SLC36A1: variants seen among roughly 807,000 people sequenced by gnomAD.
SLC36A1 encodes proton-coupled amino acid transporter 1.
In SLC36A1, 30 loss-of-function variants were observed where a neutral mutation model predicts 47.5. The ratio of observed to expected loss-of-function variants is 0.63; its 90% CI spans 0.47 to 0.86. The LOEUF is 0.86. Among genes scored for constraint, SLC36A1 ranks in the 40% least tolerant of loss-of-function variants. The probability of loss-of-function intolerance (pLI) is 0.00; values close to 1 mark genes in which losing one functional copy is unlikely to be tolerated. For missense variants in SLC36A1, 517 were observed against 606.0 expected, an observed-to-expected ratio of 0.85 and a Z score of 1.54; for synonymous variants, 255 against 249.7, an observed-to-expected ratio of 1.02 and a Z score of -0.20.
the SLC36A1 span, chr5:151,512,722 T>C: frequency 1.0e-6 from 1 of 981,114 alleles, no homozygotes; most frequent in Non-Finnish European, 1.5e-6. The surrounding 1 kb of genome is among the most constrained non-coding windows in gnomAD (Gnocchi z 4.1). Context: ...GGGGGGTGTT[T>C]GGCTGTTTTA....
chr5:151,357,275 G>T, the SLC36A1 span, among the ~76,000 whole-genome samples: 1 of 152,202 alleles, frequency 6.6e-6, no homozygotes, highest in Non-Finnish European at 1.5e-5. Context: ...GTGATAATAG[G>T]TGGTAGGTAG....
chr5:151,384,263 G>T, the SLC36A1 span, among the ~76,000 whole-genome samples: 5 of 152,152 alleles, frequency 3.3e-5, no homozygotes, highest in African/African-American at 1.2e-4. Flanking sequence ...GTTGGCTCTA[G>T]AAGCACTTTC....
chr5:151,552,732 A>G, the SLC36A1 span, among the ~76,000 whole-genome samples: 2 of 152,198 alleles, frequency 1.3e-5, no homozygotes, highest in Non-Finnish European at 2.9e-5. Flanking sequence ...GCCTCGTAGA[A>G]TGAGAATGGG....
Position 151,474,159 on chromosome 5 carries a change from C to CAAAAAAAAAAAAAAAAAAAAAAAAAAAA in SLC36A1, c.822+408_822+409insAAAAAAAAAAAAAAAAAAAAAAAAAAAA, listed in dbSNP as rs1156305401. 3.3e-5 allele frequency among the ~76,000 whole-genome samples: 2 copies of CAAAAAAAAAAAAAAAAAAAAAAAAAAAA among 59,958 alleles called. 1 individual carries two copies. Among genetic ancestry groups the CAAAAAAAAAAAAAAAAAAAAAAAAAAAA allele is most frequent in the African/African-American group, 1.7e-4 (2 of 11,982 alleles). 39.3% of individuals were successfully genotyped at this position (59,958 alleles called of 152,430 possible). On this transcript the variant is annotated intron_variant, in intron 8 of 10. Transcript: ENST00000243389. Reference sequence around the variant, plus strand: ...TGGGTGACAGAGCGAGACTCTGTCTCAAAAAAAAAAAAAAAAAAAAGAAAT... The same window carrying CAAAAAAAAAAAAAAAAAAAAAAAAAAAA: ...TGGGTGACAGAGCGAGACTCTGTCTCAAAAAAAAAAAAAAAAAAAAAAAAAAAAAAAAAAAAAAAAAAAAAAAAGAAAT...
chr5:151,463,322 C>T (rs73272007), intron 2 of SLC36A1, among the ~76,000 whole-genome samples: 3,413 of 152,246 alleles, frequency 0.022, 136 homozygotes, highest in African/African-American at 0.077. Flanking sequence ...AGAGTGGAGA[C>T]TTACAGCACA....
At chr5:151,554,907 G>A in the SLC36A1 span, among the ~76,000 whole-genome samples, 1 of 152,226 alleles carries the variant, frequency 6.6e-6, no homozygotes, top group African/African-American at 2.4e-5. Context: ...AGAGTCTCTA[G>A]ACAAAAGCTG....
the SLC36A1 span, among the ~76,000 whole-genome samples, chr5:151,367,282 G>A: frequency 6.6e-6 from 1 of 151,500 alleles, no homozygotes; most frequent in Non-Finnish European, 1.5e-5. Flanking sequence ...GGAGACCAGG[G>A]CTTATCTCAG....
the SLC36A1 span, among the ~76,000 whole-genome samples, chr5:151,517,452 A>C: frequency 6.6e-6 from 1 of 152,208 alleles, no homozygotes; most frequent in African/African-American, 2.4e-5. Flanking sequence ...GGCTGTGGCC[A>C]TCCAGGACAG....
At chr5:151,496,592 G>A (rs1457153278), downstream of SLC36A1, among the ~76,000 whole-genome samples, 1 of 152,178 alleles carries the variant, frequency 6.6e-6, no homozygotes, top group Admixed American at 6.5e-5. Flanking sequence ...GTCTCACTCT[G>A]TCACCCAGGC....
the SLC36A1 span, chr5:151,382,207 T>G: frequency 8.2e-7 from 1 of 1,224,176 alleles, no homozygotes; most frequent in Non-Finnish European, 1.2e-6. Flanking sequence ...ATGTCCTGGG[T>G]GAACCTCATC....
At chr5:151,400,372 G>A in the SLC36A1 span, among the ~76,000 whole-genome samples, 4 of 152,274 alleles carry the variant, frequency 2.6e-5, no homozygotes, top group South Asian at 8.3e-4. Flanking sequence ...ATTCCATGTG[G>A]TATATGTACC....
chr5:151,403,883 G>T, the SLC36A1 span, among the ~76,000 whole-genome samples: 1 of 152,168 alleles, frequency 6.6e-6, no homozygotes, highest in East Asian at 1.9e-4. Context: ...CAGATGAGAA[G>T]ACTGTATATT....
the SLC36A1 span, among the ~76,000 whole-genome samples, chr5:151,349,862 C>CTG: frequency 6.8e-6 from 1 of 147,898 alleles, no homozygotes; most frequent in African/African-American, 2.4e-5. Flanking sequence ...AGGATAGAAT[C>CTG]TGTGCCATGT....
chr5:151,390,136 T>C, the SLC36A1 span, among the ~76,000 whole-genome samples: 1 of 152,244 alleles, frequency 6.6e-6, no homozygotes, highest in African/African-American at 2.4e-5. Context: ...ATTGTGGTTT[T>C]GATTTGCATT....
chr5:151,377,880 T>C, the SLC36A1 span: 1 of 155,432 alleles, frequency 6.4e-6, no homozygotes, highest in African/African-American at 2.4e-5. Context: ...TCTTTTTCCA[T>C]CTTTTAATCT....
At chr5:151,546,160 C>T in the SLC36A1 span, 2 of 1,614,146 alleles carry the variant, frequency 1.2e-6, no homozygotes, top group Middle Eastern at 1.6e-4. Context: ...GATGGGGGCA[C>T]TCCTATCTGA....
the SLC36A1 span, among the ~76,000 whole-genome samples, chr5:151,353,324 G>A: frequency 3.0e-4 from 46 of 152,180 alleles, no homozygotes; most frequent in Admixed American, 3.0e-3. Context: ...GTTTAGGACA[G>A]AACCAGGCAT....
chr5:151,553,342 G>T, the SLC36A1 span: 1 of 1,614,092 alleles, frequency 6.2e-7, no homozygotes, highest in Non-Finnish European at 8.5e-7. Context: ...ATGTGTAGCC[G>T]GACACTGGCT....
chr5:151,546,260 G>T, the SLC36A1 span: 1 of 1,614,152 alleles, frequency 6.2e-7, no homozygotes, highest in South Asian at 1.1e-5. Context: ...TGTGGGGCAT[G>T]ATTTGCCTGA....
Sources: gnomAD v4.1 joint callset for allele counts (sites outside exome capture counted in the v4.1 genomes callset) on GRCh38, gnomAD v4.1.1 for gene constraint, Gnocchi (gnomAD v3.1) non-coding constraint, MANE v1.5 for transcripts, NCBI Gene and HGNC (gene_info 2026-07-23, HGNC 2026-07-21) for gene names.